NHS: variants seen among roughly 807,000 people sequenced by gnomAD.
The protein encoded by NHS is NHS actin remodeling regulator.
NHS carries 5 observed loss-of-function variants against 72.5 expected under a neutral mutation model. The ratio of observed to expected loss-of-function variants is 0.07; its 90% CI spans 0.04 to 0.14. The LOEUF (loss-of-function observed/expected upper bound fraction) is 0.14. NHS is among the 10% of genes least tolerant of loss of function. The probability of loss-of-function intolerance (pLI) is 1.00; values close to 1 mark genes in which losing one functional copy is unlikely to be tolerated. For missense variants in NHS, 1,072 were observed against 1,355.7 expected, an observed-to-expected ratio of 0.79 and a Z score of 3.29; for synonymous variants, 464 against 547.7, an observed-to-expected ratio of 0.85 and a Z score of 2.13.
intron 1 of NHS, among the ~76,000 whole-genome samples, chrX:17,443,763 G>A (rs375199685): frequency 1.8e-5 from 2 of 112,012 alleles, no homozygotes; most frequent in Non-Finnish European, 3.8e-5. Flanking sequence ...TATACGTGTC[G>A]AAATCAGTTC....
intron 1 of NHS, among the ~76,000 whole-genome samples, chrX:17,528,942 G>C (rs2065185705): frequency 9.0e-6 from 1 of 111,700 alleles, no homozygotes; most frequent in South Asian, 3.8e-4. Context: ...AGGGAATGGT[G>C]ATGTGTTGCC....
At chrX:17,376,683 G>C (rs1376183998) in intron 1 of NHS, among the ~76,000 whole-genome samples, 1 of 112,606 alleles carries the variant, frequency 8.9e-6, no homozygotes, top group African/African-American at 3.2e-5. Flanking sequence ...CGTCCTTCAC[G>C]GGGCGTAGGG....
intron 1 of NHS, among the ~76,000 whole-genome samples, chrX:17,585,167 CTTAGAG>C (rs765445952): frequency 3.6e-5 from 4 of 111,363 alleles, no homozygotes; most frequent in African/African-American, 6.5e-5. Context: ...CAAACTGTTC[CTTAGAG>C]TTAATCATTA....
rs1215706303 is a variant in NHS, at chrX:17,727,148, G to A, written c.3042G>A (p.Lys1014=). Residue 1014 remains lysine (K), a synonymous_variant, in exon 7 of 9, where the codon AAG becomes AAA. Coordinates refer to ENST00000676302, the MANE Select transcript of NHS (RefSeq NM_001291867.2). ...AGTTTAAACTGGCTTCACCAGAAAA[G>A]CTGGCTGGCTTGGCATCTCCATCAA... is the stretch of plus-strand genomic sequence containing the variant. ...DNEFKLASPE[K]LAGLASPSSG... is the part of the protein sequence containing the mutation. 1 of 1,211,837 alleles carries A rather than the reference G, an allele frequency of 8.3e-7. No individual in the cohort carries two copies. Among genetic ancestry groups the A allele is most frequent in the South Asian group, 1.8e-5 (1 of 57,008 alleles).
chrX:17,475,536 C>T (rs1277875942), intron 1 of NHS, among the ~76,000 whole-genome samples: 1 of 111,610 alleles, frequency 9.0e-6, no homozygotes, highest in Non-Finnish European at 1.9e-5. Flanking sequence ...CTAGTTTGTC[C>T]TTTAGGACAA....
intron 1 of NHS, among the ~76,000 whole-genome samples, chrX:17,615,539 C>T (rs1345709345): frequency 2.7e-5 from 3 of 109,487 alleles, no homozygotes; most frequent in African/African-American, 1.0e-4. Flanking sequence ...TGAGCCACTG[C>T]ACCCAGCCAT....
chrX:17,477,447 A>C (rs780918116), intron 1 of NHS, among the ~76,000 whole-genome samples: 24 of 112,340 alleles, frequency 2.1e-4, no homozygotes, highest in African/African-American at 7.8e-4. Flanking sequence ...AGAAATCCCA[A>C]GGTGAGGGCA....
chrX:17,604,941 T>G (rs1334150426), intron 1 of NHS, among the ~76,000 whole-genome samples: 1 of 112,034 alleles, frequency 8.9e-6, no homozygotes, highest in Non-Finnish European at 1.9e-5. Flanking sequence ...CAATAAAACA[T>G]TCAAGGGCAA....
chrX:17,433,123 A>G (rs1245841545), intron 1 of NHS, among the ~76,000 whole-genome samples: 3 of 104,999 alleles, frequency 2.9e-5, no homozygotes, highest in Middle Eastern at 5.0e-3. Context: ...TCTCCCTCCC[A>G]GGTTCACGCC....
intron 1 of NHS, among the ~76,000 whole-genome samples, chrX:17,518,387 T>A (rs2065130876): frequency 9.1e-6 from 1 of 109,995 alleles, no homozygotes. Context: ...GTAAAGAGAG[T>A]CACAAACTCC....
At chrX:17,439,988 G>T (rs1222407523) in intron 1 of NHS, among the ~76,000 whole-genome samples, 3 of 111,317 alleles carry the variant, frequency 2.7e-5, no homozygotes, top group Non-Finnish European at 5.7e-5. Flanking sequence ...GGCCAGGCGT[G>T]GTGGCTCACA....
intron 1 of NHS, among the ~76,000 whole-genome samples, chrX:17,678,289 T>G (rs2066098132): frequency 9.4e-6 from 1 of 106,784 alleles, no homozygotes; most frequent in Admixed American, 9.9e-5. Flanking sequence ...TGTGTGTGTG[T>G]GTGTGAGAGA....
intron 1 of NHS, among the ~76,000 whole-genome samples, chrX:17,512,787 C>G (rs2065096559): frequency 1.1e-5 from 1 of 90,241 alleles, no homozygotes; most frequent in Non-Finnish European, 2.1e-5. Flanking sequence ...GGGCTTGCTT[C>G]TAAACCTAGC....
chrX:17,414,323 G>T (rs1317616830), intron 1 of NHS, among the ~76,000 whole-genome samples: 1 of 112,429 alleles, frequency 8.9e-6, no homozygotes, highest in Non-Finnish European at 1.9e-5. Context: ...AGGAAGGCCA[G>T]AAACGAATCC....
chrX:17,409,531 C>T (rs146742583), intron 1 of NHS, among the ~76,000 whole-genome samples: 1,192 of 111,091 alleles, frequency 0.011, 15 homozygotes, highest in African/African-American at 0.037. Context: ...TAAACATCTC[C>T]CAAATCTCAA....
Position 17,726,026 on chromosome X carries a change from G to A in NHS, c.1920G>A (p.Thr640=), listed in dbSNP as rs767954983. 9.9e-6 allele frequency: 12 copies of A among 1,209,505 alleles called. No homozygotes were observed. Among genetic ancestry groups the A allele is most frequent in the Middle Eastern group, 2.3e-4 (1 of 4,353 alleles). Residue 640 remains threonine, a synonymous_variant, in exon 7 of 9, where the codon ACG becomes ACA. Transcript: ENST00000676302. ...GCAACTGGAGTGGGAGCAGCTCCACGTGCCCCTCGCAGACCTCAGAAACCA... is the reference window on the plus strand; with the variant it reads ...GCAACTGGAGTGGGAGCAGCTCCACATGCCCCTCGCAGACCTCAGAAACCA... ...SSGNWSGSSS[T]CPSQTSETIP... is the part of the protein sequence containing the mutation.
Position 17,728,740 on chromosome X carries a change from T to C in NHS, c.4314T>C (p.Pro1438=), listed in dbSNP as rs185986478. 3.0e-5 allele frequency: 36 copies of C among 1,209,533 alleles called. No individual in the cohort carries two copies. The Admixed American group carries it at 7.9e-4, about 26-fold the overall frequency. Residue 1438 remains proline, a synonymous_variant, in exon 8 of 9, where the codon CCT becomes CCC. Coordinates refer to ENST00000676302, the MANE Select transcript of NHS (RefSeq NM_001291867.2). ...GTGTGTTCGTGTCTCCAAACAAACC[T>C]CGAACAACTGAGGATTTATTTGCAG... ...AEGVFVSPNK[P]RTTEDLFAVI...
At chrX:17,494,621 C>A (rs778371241) in intron 1 of NHS, among the ~76,000 whole-genome samples, 1 of 111,608 alleles carries the variant, frequency 9.0e-6, no homozygotes, top group Non-Finnish European at 1.9e-5. Context: ...TCTGGGATAT[C>A]CTTCTCCCTA....
intron 1 of NHS, among the ~76,000 whole-genome samples, chrX:17,529,461 G>A (rs981031210): frequency 1.8e-5 from 2 of 112,002 alleles, no homozygotes; most frequent in Non-Finnish European, 3.8e-5. Flanking sequence ...CGATGATTTG[G>A]TTCCTGCTCA....
Sources: allele counts gnomAD v4.1 joint callset (sites outside exome capture counted in the v4.1 genomes callset), GRCh38; gene constraint gnomAD v4.1.1; transcripts MANE v1.5; gene names NCBI Gene and HGNC (gene_info 2026-07-23, HGNC 2026-07-21).